The following RNF220 variants were observed in gnomAD, a reference collection of about 807,000 sequenced individuals.
RNF220 encodes the protein ring finger protein 220, also known as E3 ubiquitin-protein ligase RNF220.
In RNF220, 7 loss-of-function variants were observed where a neutral mutation model predicts 67.1. The observed-to-expected ratio is 0.10, with a 90% CI of 0.06 to 0.20. The LOEUF is 0.20. Ranked by LOEUF, RNF220 falls within the 10% of genes least tolerant of loss-of-function variation. The probability of loss-of-function intolerance (pLI) is 1.00; values close to 1 mark genes in which losing one functional copy is unlikely to be tolerated. For missense variants in RNF220, 565 were observed against 740.3 expected (o/e 0.76, Z 2.75); for synonymous variants, 270 against 283.2 (o/e 0.95, Z 0.47).
intron 8 of RNF220, 81 bp downstream of exon 8, chr1:44,636,243 C>T (rs920879323): frequency 1.9e-5 from 29 of 1,548,512 alleles, no homozygotes; most frequent in East Asian, 4.5e-5. Context: ...GCCAAGAGGC[C>T]GAGGCTGGTG....
chr1:44,515,255 A>C (rs1468724153), intron 2 of RNF220, among the ~76,000 whole-genome samples: 1 of 152,162 alleles, frequency 6.6e-6, no homozygotes. Context: ...TGGGGACGGG[A>C]GAAGGGTAGC....
At chr1:44,485,507 A>G (rs111473343) in intron 2 of RNF220, among the ~76,000 whole-genome samples, 1,961 of 152,276 alleles carry the variant, frequency 0.013, 41 homozygotes, top group African/African-American at 0.045. Flanking sequence ...CTGTAGTAAA[A>G]TCTTCGAGTG....
chr1:44,579,865 TA>T (rs1485816604), intron 2 of RNF220, among the ~76,000 whole-genome samples: 1 of 150,900 alleles, frequency 6.6e-6, no homozygotes, highest in Non-Finnish European at 1.5e-5. Flanking sequence ...TCCATCTCTA[TA>T]AAAAATACCA....
intron 2 of RNF220, among the ~76,000 whole-genome samples, chr1:44,604,854 C>A (rs1482160537): frequency 6.6e-6 from 1 of 152,186 alleles, no homozygotes; most frequent in East Asian, 1.9e-4. Flanking sequence ...TTTCTGCAGG[C>A]AGAATGGAGG....
rs112308741 is a variant in RNF220 at position 44,614,377 on chromosome 1, T to C, written c.758+80T>C. 1.5e-3 allele frequency: 2,317 copies of C among 1,531,140 alleles called. 16 individuals carry two copies. In the African/African-American group the frequency reaches 0.026, roughly 17 times the overall value. 94.8% of individuals were successfully genotyped at this position (1,531,140 alleles called of 1,614,324 possible). On this transcript the variant is annotated intron_variant, in intron 3 of 14. Coordinates refer to ENST00000361799, the MANE Select transcript of RNF220 (RefSeq NM_018150.4). ...CCACCGGATCCCAGAAGCAGCCGCC[T>C]GGCCCATACCCCAGCCCCTCGGGAA...
At chr1:44,448,725 C>T (rs894121408) in intron 2 of RNF220, among the ~76,000 whole-genome samples, 3 of 152,194 alleles carry the variant, frequency 2.0e-5, no homozygotes, top group African/African-American at 7.2e-5. Context: ...CTCGCCCTTG[C>T]CCTCAAGATG....
At chr1:44,481,781 A>ATG (rs140500722) in intron 2 of RNF220, among the ~76,000 whole-genome samples, 1 of 152,142 alleles carries the variant, frequency 6.6e-6, no homozygotes, top group Non-Finnish European at 1.5e-5. Context: ...ATAGCAGTGC[A>ATG]TGTGTGTGTG....
At chr1:44,451,556 A>C (rs1000458553) in intron 2 of RNF220, among the ~76,000 whole-genome samples, 1 of 151,934 alleles carries the variant, frequency 6.6e-6, no homozygotes, top group Admixed American at 6.5e-5. Context: ...TTCCTGGTCT[A>C]TTGCTGGTCT....
In RNF220 at chr1:44,650,204, C is replaced by T. The variant is rs372337653; in HGVS notation, c.1629+247C>T. Reference sequence around the variant, plus strand: ...ATTCTCCCTTCCCCGCCCCGGTCCCCGAAGGCCCACTGCATCACACAGACT... The same window carrying T: ...ATTCTCCCTTCCCCGCCCCGGTCCCTGAAGGCCCACTGCATCACACAGACT... On this transcript the variant is annotated intron_variant, in intron 14 of 14. Transcript: ENST00000361799. This position sits in a 1 kb window ranked among gnomAD's most constrained non-coding sequence, Gnocchi z 4.3. 21 of 577,262 alleles carry T rather than the reference C, an allele frequency of 3.6e-5. No homozygotes were observed. The highest frequency in any genetic ancestry group is 1.8e-4 in the East Asian group (6 of 34,258). 35.8% of individuals were successfully genotyped at this position (577,262 alleles called of 1,614,324 possible). A position where few individuals can be genotyped will look rare whatever the true frequency, so the allele number is the denominator to read the frequency against.
chr1:44,554,632 C>T lies in RNF220; in HGVS notation c.626-59533C>T, dbSNP rs143889678. ...GAATGGAGGGTCAGGAAGATCTACC[C>T]TTTCCCTAGAAATCATCTGAAGCAA... On this transcript the variant is annotated intron_variant, in intron 2 of 14. Coordinates refer to ENST00000361799, the MANE Select transcript of RNF220 (RefSeq NM_018150.4). 7.6e-4 allele frequency among the ~76,000 whole-genome samples: 115 copies of T among 152,252 alleles called. No individual in the cohort carries two copies. The East Asian group carries it at 0.02, about 26-fold the overall frequency.
intron 2 of RNF220, among the ~76,000 whole-genome samples, chr1:44,510,060 A>G (rs985604332): frequency 6.6e-6 from 1 of 151,796 alleles, no homozygotes; most frequent in African/African-American, 2.4e-5. Context: ...GTACATGGCG[A>G]GACTCTGTCT....
rs1648615736 is a variant in RNF220, at chr1:44,417,103, C to T, written c.625+4381C>T. The stretch of plus-strand genomic sequence containing the variant: ...TGCTAGGGAGAATGTTTGGGGCATG[C>T]CAGGTGGCCAGGCTGCACCTCTGGG... On this transcript the variant is annotated intron_variant, in intron 2 of 14. Transcript: ENST00000361799. This position sits in a 1 kb window ranked among gnomAD's most constrained non-coding sequence, Gnocchi z 4.0. Among the ~76,000 whole-genome samples, 1 of 152,034 alleles carries T rather than the reference C, an allele frequency of 6.6e-6. No individual in the cohort carries two copies. The highest frequency in any genetic ancestry group is 1.5e-5 in the Non-Finnish European group (1 of 68,006).
intron 6 of RNF220, chr1:44,635,325 ACTC>A (rs1644293136): frequency 2.3e-5 from 12 of 532,800 alleles, no homozygotes; most frequent in Non-Finnish European, 4.0e-5. Flanking sequence ...GAGTGGACTT[ACTC>A]ACTGGCTTAG....
At chr1:44,566,262 G>A (rs1664006011) in intron 2 of RNF220, among the ~76,000 whole-genome samples, 1 of 152,182 alleles carries the variant, frequency 6.6e-6, no homozygotes, top group East Asian at 1.9e-4. Context: ...GGTCCCTCTG[G>A]GGTCGACCTT....
chr1:44,447,461 G>A (rs779573630), intron 2 of RNF220, among the ~76,000 whole-genome samples: 1 of 152,156 alleles, frequency 6.6e-6, no homozygotes, highest in Non-Finnish European at 1.5e-5. Context: ...TAGCATCTAT[G>A]TTCTGGATTA....
chr1:44,444,420 A>G (rs531705220), intron 2 of RNF220, among the ~76,000 whole-genome samples: 47 of 151,952 alleles, frequency 3.1e-4, no homozygotes, highest in African/African-American at 1.1e-3. Flanking sequence ...TTGCTGTGTA[A>G]TGCCCTAATT....
chr1:44,487,036 A>G (rs958310839), intron 2 of RNF220, among the ~76,000 whole-genome samples: 3 of 152,142 alleles, frequency 2.0e-5, no homozygotes, highest in Admixed American at 2.0e-4. Context: ...AATTAGAAGG[A>G]CGGTTTAAAA....
chr1:44,628,666 C>A (rs1644027612), intron 5 of RNF220, among the ~76,000 whole-genome samples: 1 of 152,230 alleles, frequency 6.6e-6, no homozygotes, highest in Non-Finnish European at 1.5e-5. Flanking sequence ...GTCCATGAAT[C>A]CTATGGGCTA....
chr1:44,598,823 A>G (rs1666722251), intron 2 of RNF220, among the ~76,000 whole-genome samples: 1 of 152,088 alleles, frequency 6.6e-6, no homozygotes, highest in African/African-American at 2.4e-5. Context: ...GAGAGCTTCT[A>G]CCCTTTGACA....
Sources: allele counts gnomAD v4.1 joint callset (sites outside exome capture counted in the v4.1 genomes callset), GRCh38; gene constraint gnomAD v4.1.1; non-coding constraint Gnocchi (gnomAD v3.1); transcripts MANE v1.5; gene names NCBI Gene and HGNC (gene_info 2026-07-23, HGNC 2026-07-21).